Variants in ZBTB20 observed in about 807,000 individuals in gnomAD.
ZBTB20 encodes zinc finger and BTB domain-containing protein 20.
In ZBTB20, 9 loss-of-function variants were observed where a neutral mutation model predicts 56.9. The observed-to-expected ratio is 0.16, with a 90% CI of 0.10 to 0.28. The LOEUF is 0.28. Among genes scored for constraint, ZBTB20 ranks in the 10% least tolerant of loss-of-function variants. The probability of loss-of-function intolerance (pLI) is 1.00; values close to 1 mark genes in which losing one functional copy is unlikely to be tolerated. For synonymous variants in ZBTB20, 417 were observed against 420.7 expected (o/e 0.99, Z 0.11); for missense variants, 655 against 1,003.0 (o/e 0.65, Z 4.69).
intron 8 of ZBTB20, among the ~76,000 whole-genome samples, chr3:114,383,264 A>AT (rs2084618265): frequency 6.6e-6 from 1 of 152,204 alleles, no homozygotes; most frequent in Non-Finnish European, 1.5e-5. Context: ...AAAAGTGTTT[A>AT]TTTTTGATAT....
rs540142595 is a variant in ZBTB20 at position 114,664,224 on chromosome 3, T to C, written c.-295+29304A>G. Reference sequence around the variant, plus strand: ...AGATTTTGAACCACTGTCAAGTTTGTGGTTGCCCTGGTAAGGAGTAAAGCA... The same window carrying C: ...AGATTTTGAACCACTGTCAAGTTTGCGGTTGCCCTGGTAAGGAGTAAAGCA... On this transcript the variant is annotated intron_variant, in intron 6 of 11. Coordinates refer to ENST00000675478, the MANE Select transcript of ZBTB20 (RefSeq NM_001348800.3). Among the ~76,000 whole-genome samples, 3 of 152,194 alleles carry C rather than the reference T, an allele frequency of 2.0e-5. No individual in the cohort carries two copies. The South Asian group carries it at 6.2e-4, about 32-fold the overall frequency.
At chr3:115,042,795 T>C (rs757455909) in intron 2 of ZBTB20, among the ~76,000 whole-genome samples, 11 of 152,342 alleles carry the variant, frequency 7.2e-5, no homozygotes, top group Middle Eastern at 3.4e-3. Flanking sequence ...AAGATAAATC[T>C]AAACTTACTT....
At chr3:114,722,097 G>A (rs973677323) in intron 5 of ZBTB20, among the ~76,000 whole-genome samples, 3 of 152,170 alleles carry the variant, frequency 2.0e-5, no homozygotes, top group Admixed American at 2.0e-4. Context: ...GTCAACTGGA[G>A]AAGTATTAAT....
At chr3:114,775,557 T>C (rs1043604087) in intron 5 of ZBTB20, among the ~76,000 whole-genome samples, 1 of 150,136 alleles carries the variant, frequency 6.7e-6, no homozygotes, top group African/African-American at 2.4e-5. Flanking sequence ...AAAAAAAAAA[T>C]TGCAGTGACT....
intron 6 of ZBTB20, among the ~76,000 whole-genome samples, chr3:114,690,880 TA>T (rs2062658394): frequency 6.6e-6 from 1 of 152,134 alleles, no homozygotes; most frequent in Admixed American, 6.6e-5. Flanking sequence ...GAGTTCTAAG[TA>T]ATAAGGGGAC....
chr3:114,459,828 A>G (rs1473223539), intron 7 of ZBTB20, among the ~76,000 whole-genome samples: 1 of 152,172 alleles, frequency 6.6e-6, no homozygotes, highest in African/African-American at 2.4e-5. Context: ...AGAAGTACTT[A>G]GAAAACATGT....
chr3:115,101,229 C>T (rs1258080465), intron 1 of ZBTB20, among the ~76,000 whole-genome samples: 1 of 152,126 alleles, frequency 6.6e-6, no homozygotes, highest in African/African-American at 2.4e-5. Flanking sequence ...GGGACTGAAA[C>T]TACAGCAGTT....
intron 2 of ZBTB20, among the ~76,000 whole-genome samples, chr3:115,005,868 C>T (rs1386300491): frequency 6.6e-6 from 1 of 151,760 alleles, no homozygotes; most frequent in Non-Finnish European, 1.5e-5. Context: ...CCCTGGCTTC[C>T]CATTTCATTT....
At chr3:114,491,089 A>C (rs1202914132) in intron 7 of ZBTB20, among the ~76,000 whole-genome samples, 1 of 152,206 alleles carries the variant, frequency 6.6e-6, no homozygotes, top group Non-Finnish European at 1.5e-5. Context: ...TGCCTGATAC[A>C]ATATACTCAA....
At chr3:115,136,579 C>A (rs1422190671) in intron 1 of ZBTB20, among the ~76,000 whole-genome samples, 1 of 151,982 alleles carries the variant, frequency 6.6e-6, no homozygotes, top group East Asian at 1.9e-4. Context: ...ACTCACTTTA[C>A]ACCAGATGCA....
intron 7 of ZBTB20, among the ~76,000 whole-genome samples, chr3:114,484,584 C>T (rs939752696): frequency 3.9e-5 from 6 of 152,186 alleles, no homozygotes; most frequent in African/African-American, 1.4e-4. Flanking sequence ...ACATTAAGTT[C>T]TGCAACTGCA....
At chr3:115,037,614 G>A (rs1433592493) in intron 2 of ZBTB20, among the ~76,000 whole-genome samples, 2 of 152,060 alleles carry the variant, frequency 1.3e-5, no homozygotes, top group Non-Finnish European at 2.9e-5. Context: ...TAGGTAATTT[G>A]GACTTTCAAA....
chr3:115,090,242 C>T (rs1319217239), intron 1 of ZBTB20, among the ~76,000 whole-genome samples: 1 of 151,548 alleles, frequency 6.6e-6, no homozygotes, highest in African/African-American at 2.4e-5. Flanking sequence ...CATTCCATAC[C>T]CATTAATAAT....
intron 5 of ZBTB20, among the ~76,000 whole-genome samples, chr3:114,704,076 T>A (rs775668252): frequency 4.6e-5 from 7 of 152,148 alleles, no homozygotes; most frequent in Non-Finnish European, 8.8e-5. Context: ...ATCAAATAAT[T>A]AACAGTAATA....
At chr3:114,548,848 T>C (rs766834522) in intron 6 of ZBTB20, among the ~76,000 whole-genome samples, 3 of 152,170 alleles carry the variant, frequency 2.0e-5, no homozygotes, top group Non-Finnish European at 4.4e-5. Flanking sequence ...AACATTAATA[T>C]AAAGCAAAGG....
chr3:115,105,617 C>G (rs1462723159), intron 1 of ZBTB20, among the ~76,000 whole-genome samples: 1 of 151,958 alleles, frequency 6.6e-6, no homozygotes, highest in Admixed American at 6.6e-5. Flanking sequence ...TTAATGGTAC[C>G]CAGCAACTCC....
intron 2 of ZBTB20, among the ~76,000 whole-genome samples, chr3:115,034,377 T>C (rs2080828892): frequency 6.7e-6 from 1 of 149,294 alleles, no homozygotes; most frequent in South Asian, 2.1e-4. Context: ...AACTAATAAA[T>C]AAATACAACA....
intron 7 of ZBTB20, among the ~76,000 whole-genome samples, chr3:114,482,379 G>T (rs2041652841): frequency 6.6e-6 from 1 of 152,116 alleles, no homozygotes; most frequent in East Asian, 1.9e-4. Flanking sequence ...TATTGCATTT[G>T]GATGGCACTC....
intron 3 of ZBTB20, among the ~76,000 whole-genome samples, chr3:114,914,126 T>TTTA (rs1404710831): frequency 6.6e-6 from 1 of 152,050 alleles, no homozygotes; most frequent in Non-Finnish European, 1.5e-5. Context: ...GTAATTGGTA[T>TTTA]TTTGATAGAG....
Sources: allele counts gnomAD v4.1 joint callset (sites outside exome capture counted in the v4.1 genomes callset), GRCh38; gene constraint gnomAD v4.1.1; transcripts MANE v1.5; gene names NCBI Gene and HGNC (gene_info 2026-07-23, HGNC 2026-07-21).